The following EGF variants were observed in gnomAD, a reference collection of about 807,000 sequenced individuals.
EGF encodes the protein pro-epidermal growth factor.
EGF carries 95 observed loss-of-function variants against 143.8 expected under a neutral mutation model. The ratio of observed to expected loss-of-function variants is 0.66; its 90% CI spans 0.56 to 0.78. The LOEUF is 0.78. Among genes scored for constraint, EGF ranks in the 30% least tolerant of loss-of-function variants. The probability of loss-of-function intolerance (pLI) is 0.00; values close to 1 mark genes in which losing one functional copy is unlikely to be tolerated. For synonymous variants in EGF, 510 were observed against 510.5 expected (o/e 1.00, Z 0.01); for missense variants, 1,320 against 1,470.9 (o/e 0.90, Z 1.68).
At chr4:109,966,395 C>A (rs953426698) in intron 10 of EGF, among the ~76,000 whole-genome samples, 2 of 151,940 alleles carry the variant, frequency 1.3e-5, no homozygotes, top group African/African-American at 4.8e-5. Flanking sequence ...TTTTTATGAG[C>A]AGTATTCCAT....
rs540531235 is a variant in EGF at position 109,935,515 on chromosome 4, G to A, written c.128-5431G>A. Among the ~76,000 whole-genome samples the A allele has an allele frequency of 2.0e-5, 3 of 152,138 alleles. No homozygotes were observed. In the East Asian group the frequency reaches 5.8e-4, roughly 29 times the overall value. Reference sequence around the variant, plus strand: ...CATCTGCAAACAGAGACAATTTGACGTCCCTTTTTCCTAATTGAATACCCT... The same window carrying A: ...CATCTGCAAACAGAGACAATTTGACATCCCTTTTTCCTAATTGAATACCCT... On this transcript the variant is annotated intron_variant, in intron 1 of 23. Coordinates refer to ENST00000265171, the MANE Select transcript of EGF (RefSeq NM_001963.6).
chr4:110,001,051 G>A (rs951225838), intron 21 of EGF, among the ~76,000 whole-genome samples: 2 of 152,196 alleles, frequency 1.3e-5, no homozygotes, highest in Non-Finnish European at 2.9e-5. Flanking sequence ...CAGAGATCCT[G>A]CTATAGCCTA....
At chr4:109,950,261 C>T (rs1579576543) in intron 5 of EGF, among the ~76,000 whole-genome samples, 1 of 152,186 alleles carries the variant, frequency 6.6e-6, no homozygotes, top group Admixed American at 6.5e-5. Context: ...CCTCTAGTGT[C>T]ATCAGCCCAA....
chr4:109,971,469 G>A (rs7670908), intron 11 of EGF, among the ~76,000 whole-genome samples: 15,527 of 152,110 alleles, frequency 0.1, 1,028 homozygotes, highest in East Asian at 0.2. Flanking sequence ...AGGATGCCAA[G>A]TCTTCTCATA....
At chr4:109,953,165 T>G (rs990294013) in intron 5 of EGF, among the ~76,000 whole-genome samples, 2 of 152,256 alleles carry the variant, frequency 1.3e-5, no homozygotes, top group East Asian at 1.9e-4. Context: ...TTCTGTAAGC[T>G]TCCCCTTTGT....
At chr4:109,933,319 G>A (rs1001623977) in intron 1 of EGF, among the ~76,000 whole-genome samples, 1 of 152,118 alleles carries the variant, frequency 6.6e-6, no homozygotes, top group South Asian at 2.1e-4. Flanking sequence ...CAAAGATCTG[G>A]GAATAATAAT....
intron 11 of EGF, among the ~76,000 whole-genome samples, chr4:109,969,631 G>T (rs1747254181): frequency 6.6e-6 from 1 of 152,052 alleles, no homozygotes; most frequent in African/African-American, 2.4e-5. Context: ...CTGTGTTTTG[G>T]TAGTTCAGGC....
intron 11 of EGF, among the ~76,000 whole-genome samples, chr4:109,970,158 T>C (rs964104036): frequency 2.6e-5 from 4 of 152,166 alleles, no homozygotes; most frequent in Non-Finnish European, 1.5e-5. Flanking sequence ...TTGGTGTGTA[T>C]GCAGCCTGCG....
intron 1 of EGF, among the ~76,000 whole-genome samples, chr4:109,915,823 G>C (rs1736549922): frequency 6.6e-6 from 1 of 152,208 alleles, no homozygotes; most frequent in Non-Finnish European, 1.5e-5. Context: ...ACTTATGCAA[G>C]ATTGTTACTC....
chr4:109,991,366 G>C (rs924316032), intron 18 of EGF, among the ~76,000 whole-genome samples: 1 of 152,240 alleles, frequency 6.6e-6, no homozygotes, highest in South Asian at 2.1e-4. Flanking sequence ...AATGGCGAAG[G>C]CTAGGAAGTT....
chr4:109,993,329 G>A lies in EGF; in HGVS notation c.2817G>A (p.Met939Ile), dbSNP rs1288501540. The A allele has an allele frequency of 6.2e-7, 1 of 1,613,716 alleles. No individual in the cohort carries two copies. Among genetic ancestry groups the A allele is most frequent in the Non-Finnish European group, 8.5e-7 (1 of 1,179,922 alleles). The change falls in exon 19 of 24, where the codon ATG becomes ATA. Residue 939 changes from methionine (M) to isoleucine (I), a missense_variant. Coordinates refer to ENST00000265171, the MANE Select transcript of EGF (RefSeq NM_001963.6). ...CTNTEGGYTCMCAGRLSEPGL... is the reference protein window; with the variant it reads ...CTNTEGGYTCICAGRLSEPGL... ...ATACAGAGGGAGGCTATACCTGCAT[G>A]TGTGCTGGACGCCTGTCTGAACCAG...
chr4:109,976,218 T>C lies in EGF; in HGVS notation c.2036T>C (p.Leu679Pro). Residue 679 changes from leucine (L) to proline (P), a missense_variant, in exon 13 of 24, where the codon CTT becomes CCT. Coordinates refer to ENST00000265171, the MANE Select transcript of EGF (RefSeq NM_001963.6). Reference sequence around the variant, plus strand: ...CTGGATGGTTCAAAACGCCGAAGACTTACCCAGAATGATGTAGGTGAGGCT... The same window carrying C: ...CTGGATGGTTCAAAACGCCGAAGACCTACCCAGAATGATGTAGGTGAGGCT... ...ANLDGSKRRR[L>P]TQNDVGHPFA... 1 of 1,614,008 alleles carries C rather than the reference T, an allele frequency of 6.2e-7. No homozygotes were observed. The highest frequency in any genetic ancestry group is 8.5e-7 in the Non-Finnish European group (1 of 1,179,952).
At chr4:109,937,374 T>G (rs1244500328) in intron 1 of EGF, among the ~76,000 whole-genome samples, 1 of 133,500 alleles carries the variant, frequency 7.5e-6, no homozygotes, top group East Asian at 2.3e-4. Context: ...TTTTTTTTTT[T>G]GCTTTCCATT....
chr4:110,010,538 C>T (rs561953526), intron 23 of EGF, among the ~76,000 whole-genome samples: 3 of 152,150 alleles, frequency 2.0e-5, no homozygotes, highest in Middle Eastern at 3.4e-3. Flanking sequence ...GCTGTCTTGG[C>T]CTCCCCAGGC....
rs1750343445 is a variant in EGF, at chr4:109,987,753, A to T, written c.2501A>T (p.Asp834Val). The change falls in exon 17 of 24, where the codon GAC becomes GTC. Residue 834 changes from aspartate to valine, a missense_variant. By Grantham distance (152) the Asp-to-Val change is radical. Coordinates refer to ENST00000265171, the MANE Select transcript of EGF (RefSeq NM_001963.6). Reference protein sequence around the residue: ...VAEIMVSDQDDCAPVGCSMYA... With the variant: ...VAEIMVSDQDVCAPVGCSMYA... Reference sequence around the variant, plus strand: ...TTCTTGCTATTTGTAGATCAAGATGACTGTGCTCCTGTGGGATGCAGCATG... The same window carrying T: ...TTCTTGCTATTTGTAGATCAAGATGTCTGTGCTCCTGTGGGATGCAGCATG... 1 of 1,613,392 alleles carries T rather than the reference A, an allele frequency of 6.2e-7. No individual in the cohort carries two copies. Among genetic ancestry groups the T allele is most frequent in the Non-Finnish European group, 8.5e-7 (1 of 1,179,388 alleles).
At chr4:109,947,378 C>CT (rs74268366) in intron 5 of EGF, among the ~76,000 whole-genome samples, 417 of 141,882 alleles carry the variant, frequency 2.9e-3, no homozygotes, top group Non-Finnish European at 4.1e-3. Context: ...CTTCTACTTT[C>CT]TTTTTTTTTT....
At chr4:109,988,433 G>A (rs2126135926) in intron 17 of EGF, 151 bp from the exon 18 acceptor site, 1 of 1,113,932 alleles carries the variant, frequency 9.0e-7, no homozygotes, top group East Asian at 2.4e-5. Context: ...TGAACTTTAT[G>A]TCCAAGATGC....
chr4:109,970,636 C>T (rs971155119), intron 11 of EGF, among the ~76,000 whole-genome samples: 19 of 152,024 alleles, frequency 1.2e-4, no homozygotes, highest in South Asian at 4.2e-4. Flanking sequence ...ACCATCCTGG[C>T]TAACATGGTG....
chr4:109,921,080 A>T (rs1171236225), intron 1 of EGF, among the ~76,000 whole-genome samples: 3 of 151,566 alleles, frequency 2.0e-5, no homozygotes, highest in Admixed American at 1.3e-4. Context: ...TTCTTGAAAG[A>T]TCTTACTATC....
Sources: allele counts gnomAD v4.1 joint callset (sites outside exome capture counted in the v4.1 genomes callset), GRCh38; gene constraint gnomAD v4.1.1; transcripts MANE v1.5; gene names NCBI Gene and HGNC (gene_info 2026-07-23, HGNC 2026-07-21).